The following MGAT4C variants were observed in gnomAD, a reference collection of about 807,000 sequenced individuals.
The protein encoded by MGAT4C is MGAT4 family member C.
In MGAT4C, 19 loss-of-function variants were observed where a neutral mutation model predicts 40.1. That is an observed-to-expected ratio of 0.47 (90% CI 0.33 to 0.70). MGAT4C has a LOEUF of 0.70. Ranked by LOEUF, MGAT4C falls within the 30% of genes least tolerant of loss-of-function variation. The probability of loss-of-function intolerance (pLI) is 0.02; values close to 1 mark genes in which losing one functional copy is unlikely to be tolerated. For missense variants in MGAT4C, 491 were observed against 563.2 expected (o/e 0.87, Z 1.30); for synonymous variants, 181 against 187.1 (o/e 0.97, Z 0.27).
chr12:86,333,594 G>C (rs1226936201), intron 4 of MGAT4C, among the ~76,000 whole-genome samples: 1 of 152,146 alleles, frequency 6.6e-6, no homozygotes, highest in Non-Finnish European at 1.5e-5. Context: ...AAGAAGAAAA[G>C]TGAACCAAGC....
At position 86,183,878 on chromosome 12, in the gene MGAT4C, T is replaced by C. The variant is rs73383693; in HGVS notation, c.-57+72361A>G. Among the ~76,000 whole-genome samples, 546 of 152,318 alleles carry C rather than the reference T, an allele frequency of 3.6e-3. 3 individuals are homozygous for C. The highest frequency in any genetic ancestry group is 0.013 in the African/African-American group (532 of 41,576). On this transcript the variant is annotated intron_variant, in intron 1 of 4. Coordinates refer to ENST00000611864, the MANE Select transcript of MGAT4C (RefSeq NM_001351288.2). ...ATCTGCTAAGAGCTTTGTCTTCTAATAAAATCACATTGAGAGTTTGGGCTT... is the reference window on the plus strand; with the variant it reads ...ATCTGCTAAGAGCTTTGTCTTCTAACAAAATCACATTGAGAGTTTGGGCTT...
At chr12:86,295,902 C>T (rs1412048934) in intron 4 of MGAT4C, among the ~76,000 whole-genome samples, 5 of 147,678 alleles carry the variant, frequency 3.4e-5, no homozygotes, top group East Asian at 2.0e-4. Flanking sequence ...CACAGGGTGC[C>T]GACTGGTTTG....
At chr12:86,689,141 G>T (rs1386040880) in intron 2 of MGAT4C, among the ~76,000 whole-genome samples, 1 of 152,096 alleles carries the variant, frequency 6.6e-6, no homozygotes. Flanking sequence ...TTCATCTGTT[G>T]ATACCTGTGT....
In MGAT4C at chr12:86,348,814, C is replaced by T. The variant is rs187863560; in HGVS notation, c.-119-14687G>A. Among the ~76,000 whole-genome samples the T allele has an allele frequency of 2.1e-3, 318 of 152,070 alleles. 2 individuals are homozygous for T. Among genetic ancestry groups the T allele is most frequent in the African/African-American group, 7.2e-3 (301 of 41,528 alleles). On this transcript the variant is annotated intron_variant, in intron 3 of 7. Coordinates refer to the MGAT4C transcript ENST00000548651. The stretch of plus-strand genomic sequence containing the variant: ...ATGTGTATTTATATGAGCCTTTTAT[C>T]ATTCTTTTTGGTACTTGGAAACTTT...
chr12:86,790,823 T>A (rs1952009171), intron 1 of MGAT4C, among the ~76,000 whole-genome samples: 1 of 152,132 alleles, frequency 6.6e-6, no homozygotes, highest in Non-Finnish European at 1.5e-5. Context: ...TAACTCTAGG[T>A]TCAGTTATAA....
rs549319631 is a variant in MGAT4C at position 86,678,699 on chromosome 12, G to A, written c.-229+48510C>T. On this transcript the variant is annotated intron_variant, in intron 2 of 7. Coordinates refer to the MGAT4C transcript ENST00000548651. ...GTGGTGTTTGGTTTTTTGTTCTTGC[G>A]ATAGTTTACTGAGAATGATGATTTC... Among the ~76,000 whole-genome samples the A allele has an allele frequency of 2.3e-3, 345 of 151,100 alleles. 1 individual carries two copies. Among genetic ancestry groups the A allele is most frequent in the Middle Eastern group, 0.014 (4 of 290 alleles).
intron 2 of MGAT4C, among the ~76,000 whole-genome samples, chr12:86,030,904 T>G (rs1300951048): frequency 6.6e-6 from 1 of 151,808 alleles, no homozygotes; most frequent in African/African-American, 2.4e-5. Context: ...TGAAGTTTGA[T>G]GTAGTATATC....
Position 85,959,169 on chromosome 12 carries a change from A to C in MGAT4C, c.*20120T>G, listed in dbSNP as rs1305491089. The C allele has an allele frequency of 6.6e-6, 1 of 152,066 alleles. No individual in the cohort carries two copies. The highest frequency in any genetic ancestry group is 1.5e-5 in the Non-Finnish European group (1 of 67,974). 9.4% of individuals were successfully genotyped at this position (152,066 alleles called of 1,614,324 possible). Reference sequence around the variant, plus strand: ...TGGAATAAAGATGGTATTTTCCATAACTGTTTAATAATAATCACATGTTTT... The same window carrying C: ...TGGAATAAAGATGGTATTTTCCATACCTGTTTAATAATAATCACATGTTTT... On this transcript the variant is annotated 3_prime_UTR_variant, in exon 5 of 5. Coordinates refer to ENST00000611864, the MANE Select transcript of MGAT4C (RefSeq NM_001351288.2).
At chr12:86,502,218 C>T (rs1018171349) in intron 2 of MGAT4C, among the ~76,000 whole-genome samples, 2 of 151,974 alleles carry the variant, frequency 1.3e-5, no homozygotes, top group African/African-American at 2.4e-5. Flanking sequence ...ACCTTAAATA[C>T]CTATTCATAA....
At chr12:86,561,807 C>T (rs767131694) in intron 2 of MGAT4C, among the ~76,000 whole-genome samples, 1 of 152,088 alleles carries the variant, frequency 6.6e-6, no homozygotes, top group Non-Finnish European at 1.5e-5. Flanking sequence ...ATTTTGGTAC[C>T]AGGCGTGTTT....
At chr12:86,627,981 G>T (rs1333795592) in intron 2 of MGAT4C, among the ~76,000 whole-genome samples, 3 of 150,854 alleles carry the variant, frequency 2.0e-5, no homozygotes, top group African/African-American at 7.3e-5. Context: ...CCATCACAAG[G>T]AAGCTAAAAA....
chr12:86,784,564 T>C (rs757797328), intron 1 of MGAT4C, among the ~76,000 whole-genome samples: 2 of 151,860 alleles, frequency 1.3e-5, no homozygotes, highest in Non-Finnish European at 2.9e-5. Context: ...TTACCTCTCT[T>C]AGATGAGTGA....
chr12:86,033,702 G>A (rs1403912658), intron 2 of MGAT4C, among the ~76,000 whole-genome samples: 3 of 149,272 alleles, frequency 2.0e-5, no homozygotes, highest in African/African-American at 7.3e-5. Flanking sequence ...CTGCAAAAAC[G>A]GATCGTTTGA....
At chr12:86,059,944 A>G (rs1893778706) in intron 1 of MGAT4C, among the ~76,000 whole-genome samples, 1 of 152,224 alleles carries the variant, frequency 6.6e-6, no homozygotes. Flanking sequence ...ACAGAATGAG[A>G]ACGGGAATAA....
intron 3 of MGAT4C, among the ~76,000 whole-genome samples, chr12:86,434,884 C>T (rs1236184616): frequency 6.6e-6 from 1 of 151,774 alleles, no homozygotes; most frequent in Non-Finnish European, 1.5e-5. Flanking sequence ...ACAGTATAAA[C>T]ATAAAATGAC....
chr12:86,406,276 C>T (rs10858425), intron 3 of MGAT4C, among the ~76,000 whole-genome samples: 96,502 of 150,902 alleles, frequency 0.64, 31,536 homozygotes, highest in South Asian at 0.77. Context: ...ACCTTTTGTC[C>T]TGTGAATTTC....
chr12:86,673,465 GCACACACACATACAAC>G (rs1039714977), intron 2 of MGAT4C, among the ~76,000 whole-genome samples: 3 of 151,542 alleles, frequency 2.0e-5, no homozygotes, highest in Admixed American at 1.3e-4. Context: ...ACACACACAT[GCACACACACATACAAC>G]CACACACACA....
At chr12:86,318,597 A>G (rs570113662) in intron 4 of MGAT4C, among the ~76,000 whole-genome samples, 3 of 152,338 alleles carry the variant, frequency 2.0e-5, no homozygotes, top group African/African-American at 4.8e-5. Flanking sequence ...TTTGTACCTT[A>G]AACTTACTGT....
At chr12:86,593,768 G>T (rs1961424254) in intron 2 of MGAT4C, among the ~76,000 whole-genome samples, 1 of 151,802 alleles carries the variant, frequency 6.6e-6, no homozygotes. Context: ...TTTTTCGGCT[G>T]CATATTTGTC....
Sources: gnomAD v4.1 joint callset for allele counts (sites outside exome capture counted in the v4.1 genomes callset) on GRCh38, gnomAD v4.1.1 for gene constraint, MANE v1.5 for transcripts, NCBI Gene and HGNC (gene_info 2026-07-23, HGNC 2026-07-21) for gene names.